Variants in RABGAP1L observed in about 807,000 individuals in gnomAD.
RABGAP1L encodes rab GTPase-activating protein 1-like.
Under a neutral mutation model 137.7 loss-of-function variants are expected in RABGAP1L, and 63 were observed. That is an observed-to-expected ratio of 0.46 (90% CI 0.37 to 0.56). The LOEUF (loss-of-function observed/expected upper bound fraction) is 0.56. RABGAP1L is among the 20% of genes least tolerant of loss of function. RABGAP1L has a pLI of 0.00. For missense variants in RABGAP1L, 1,095 were observed against 1,244.0 expected (o/e 0.88, Z 1.80); for synonymous variants, 431 against 433.7 (o/e 0.99, Z 0.08).
chr1:174,429,141 G>A (rs1018412073), intron 13 of RABGAP1L, among the ~76,000 whole-genome samples: 2 of 152,154 alleles, frequency 1.3e-5, no homozygotes, highest in Non-Finnish European at 2.9e-5. Context: ...GAATAAAGCA[G>A]GGTATTGTAA....
chr1:174,516,110 A>G (rs1347090698), intron 13 of RABGAP1L, among the ~76,000 whole-genome samples: 1 of 138,484 alleles, frequency 7.2e-6, no homozygotes, highest in Non-Finnish European at 1.5e-5. Flanking sequence ...AGGGATGAAA[A>G]CTGAAGCTCT....
chr1:174,978,938 A>G, intron 23 of RABGAP1L, 48 bp downstream of exon 23: 1 of 1,451,882 alleles, frequency 6.9e-7, no homozygotes, highest in South Asian at 1.5e-5. Context: ...TTGCTGCTAT[A>G]AAAGTAATTT....
At chr1:174,489,722 G>A (rs572340263) in intron 13 of RABGAP1L, among the ~76,000 whole-genome samples, 209 of 152,202 alleles carry the variant, frequency 1.4e-3, no homozygotes, top group African/African-American at 4.0e-3. Flanking sequence ...ATCAAGACAC[G>A]TGCACACGTA....
At chr1:174,541,698 C>G (rs1014389379) in intron 13 of RABGAP1L, among the ~76,000 whole-genome samples, 4 of 152,094 alleles carry the variant, frequency 2.6e-5, no homozygotes, top group Non-Finnish European at 5.9e-5. Context: ...ATGGCATGAA[C>G]CCGGGAGGCG....
intron 13 of RABGAP1L, among the ~76,000 whole-genome samples, chr1:174,418,245 T>C (rs1242017471): frequency 6.6e-6 from 1 of 152,236 alleles, no homozygotes; most frequent in Non-Finnish European, 1.5e-5. Context: ...AATTACCTTC[T>C]TTCCTAAGAT....
intron 11 of RABGAP1L, among the ~76,000 whole-genome samples, chr1:174,334,729 ATCT>A (rs1681324463): frequency 6.6e-6 from 1 of 152,142 alleles, no homozygotes; most frequent in African/African-American, 2.4e-5. Context: ...TGTGAATGCT[ATCT>A]TCTTAGTGAA....
intron 13 of RABGAP1L, among the ~76,000 whole-genome samples, chr1:174,565,184 C>T (rs1487913670): frequency 1.3e-5 from 2 of 152,038 alleles, no homozygotes; most frequent in Non-Finnish European, 2.9e-5. Context: ...TTTCTAAAGT[C>T]ATTAGGTGTT....
At chr1:174,215,264 C>T (rs895876879) in intron 1 of RABGAP1L, among the ~76,000 whole-genome samples, 2 of 152,070 alleles carry the variant, frequency 1.3e-5, no homozygotes, top group African/African-American at 4.8e-5. Flanking sequence ...CGAGCCCAGC[C>T]TGGCCAACAT....
chr1:174,194,101 GAC>G (rs1667401455), intron 1 of RABGAP1L, among the ~76,000 whole-genome samples: 1 of 152,158 alleles, frequency 6.6e-6, no homozygotes, highest in African/African-American at 2.4e-5. Context: ...GGTCAACACT[GAC>G]CTGCTTGGCT....
At chr1:174,315,704 T>A (rs909616425) in intron 11 of RABGAP1L, among the ~76,000 whole-genome samples, 4 of 151,954 alleles carry the variant, frequency 2.6e-5, no homozygotes, top group Non-Finnish European at 5.9e-5. Context: ...TTTGGGAGTT[T>A]GATTATCAAA....
intron 19 of RABGAP1L, among the ~76,000 whole-genome samples, chr1:174,950,768 T>C (rs985680409): frequency 6.6e-6 from 1 of 152,172 alleles, no homozygotes; most frequent in African/African-American, 2.4e-5. Context: ...GAGTAGCACA[T>C]AATGGCTAGC....
chr1:174,750,891 C>T lies in RABGAP1L; in HGVS notation c.2170-1422C>T, dbSNP rs78951112. On this transcript the variant is annotated intron_variant, in intron 17 of 25. Transcript: ENST00000681986. Reference sequence around the variant, plus strand: ...GGGCAGTAGGTCTTTTTTATATTGGCCTTTAAGTTTTGGCAGGTGGGCAGC... The same window carrying T: ...GGGCAGTAGGTCTTTTTTATATTGGTCTTTAAGTTTTGGCAGGTGGGCAGC... 5.1e-3 allele frequency among the ~76,000 whole-genome samples: 771 copies of T among 152,156 alleles called. 5 individuals are homozygous for T. Among genetic ancestry groups the T allele is most frequent in the African/African-American group, 0.018 (738 of 41,526 alleles).
chr1:174,573,124 T>C (rs1044660338), intron 13 of RABGAP1L, among the ~76,000 whole-genome samples: 1 of 152,124 alleles, frequency 6.6e-6, no homozygotes, highest in East Asian at 1.9e-4. Flanking sequence ...TGTGTATATA[T>C]ATGTATACAC....
intron 18 of RABGAP1L, among the ~76,000 whole-genome samples, chr1:174,780,434 C>T (rs1331863299): frequency 1.3e-5 from 2 of 152,122 alleles, no homozygotes; most frequent in Non-Finnish European, 2.9e-5. Flanking sequence ...TCATGTTTTT[C>T]AAGTCTAGCT....
intron 17 of RABGAP1L, among the ~76,000 whole-genome samples, chr1:174,710,853 C>G (rs1680433150): frequency 6.6e-6 from 1 of 152,202 alleles, no homozygotes; most frequent in African/African-American, 2.4e-5. Context: ...GCTAAATACC[C>G]CAATTAAAAG....
At chr1:174,554,893 T>C (rs1666780153) in intron 13 of RABGAP1L, among the ~76,000 whole-genome samples, 1 of 152,172 alleles carries the variant, frequency 6.6e-6, no homozygotes, top group Non-Finnish European at 1.5e-5. Flanking sequence ...TAATAAACAA[T>C]GATAATTTCC....
chr1:174,927,427 G>A (rs1033883336), intron 19 of RABGAP1L, among the ~76,000 whole-genome samples: 12 of 152,026 alleles, frequency 7.9e-5, no homozygotes, highest in Admixed American at 3.3e-4. Context: ...ATAGGGTCTC[G>A]CTGCATTGCC....
intron 13 of RABGAP1L, among the ~76,000 whole-genome samples, chr1:174,569,415 G>A (rs887766427): frequency 7.2e-5 from 11 of 152,176 alleles, no homozygotes; most frequent in South Asian, 2.1e-4. Context: ...ATGGTAGAGC[G>A]TAAAGCAGGG....
intron 13 of RABGAP1L, among the ~76,000 whole-genome samples, chr1:174,500,961 G>GT (rs1420783120): frequency 6.6e-6 from 1 of 151,922 alleles, no homozygotes; most frequent in Admixed American, 6.6e-5. Context: ...TTTGTCATTT[G>GT]TTTTTTACAA....
Sources: gnomAD v4.1 joint callset for allele counts (sites outside exome capture counted in the v4.1 genomes callset) on GRCh38, gnomAD v4.1.1 for gene constraint, MANE v1.5 for transcripts, NCBI Gene and HGNC (gene_info 2026-07-23, HGNC 2026-07-21) for gene names.